The following DGCR2 variants were observed in gnomAD, a reference collection of about 807,000 sequenced individuals.
DGCR2 encodes DiGeorge syndrome critical region gene 2, also known as integral membrane protein DGCR2/IDD.
In DGCR2, 24 loss-of-function variants were observed where a neutral mutation model predicts 51.6. That is an observed-to-expected ratio of 0.47 (90% CI 0.34 to 0.65). DGCR2 has a LOEUF of 0.65. Among genes scored for constraint, DGCR2 ranks in the 30% least tolerant of loss-of-function variants. DGCR2 has a pLI of 0.01. For synonymous variants in DGCR2, 340 were observed against 315.4 expected (o/e 1.08, Z -0.82); for missense variants, 765 against 772.1 (o/e 0.99, Z 0.11).
rs1470743637 is a variant in DGCR2 at position 19,057,325 on chromosome 22, C to A, written c.626-163G>T. ...CAGGTGTTCACTCGGGACTCCCCAA[C>A]CTCCTGGGAGTCACCCCAGGTGCTG... On this transcript the variant is annotated intron_variant, in intron 5 of 9. Transcript: ENST00000263196. This position sits in a 1 kb window ranked among gnomAD's most constrained non-coding sequence, Gnocchi z 5.1. 6.6e-6 allele frequency among the ~76,000 whole-genome samples: 1 copy of A among 152,182 alleles called. No homozygotes were observed. The highest frequency in any genetic ancestry group is 1.9e-4 in the East Asian group (1 of 5,178).
intron 4 of DGCR2, 84 bp downstream of exon 4, chr22:19,064,764 A>C (rs1255047163): frequency 7.6e-7 from 1 of 1,314,710 alleles, no homozygotes; most frequent in African/African-American, 1.5e-5. Context: ...GTGCTCCAGG[A>C]GTTTACTGAG....
At chr22:19,105,942 CAGCTCTCCCCTGA>C (rs1433560528) in intron 1 of DGCR2, among the ~76,000 whole-genome samples, 4 of 152,152 alleles carry the variant, frequency 2.6e-5, no homozygotes, top group African/African-American at 9.7e-5. Flanking sequence ...CCAGTCCCTG[CAGCTCTCCCCTGA>C]AGCCCGTCTA....
intron 2 of DGCR2, among the ~76,000 whole-genome samples, chr22:19,069,417 C>G (rs2082788540): frequency 1.3e-5 from 2 of 152,094 alleles, no homozygotes; most frequent in Non-Finnish European, 1.5e-5. Flanking sequence ...AACAAACATT[C>G]AATGTGAAAT....
At position 19,056,992 on chromosome 22, in the gene DGCR2, T is replaced by C; in HGVS notation, c.796A>G (p.Lys266Glu). The change falls in exon 6 of 10, where the codon AAA becomes GAA. Residue 266 changes from lysine (K) to glutamate (E), a missense_variant. Around this residue, in one of 3 missense-constraint regions of DGCR2, gnomAD observed 190 missense variants for 265.2 expected, o/e 0.72. Coordinates refer to ENST00000263196, the MANE Select transcript of DGCR2 (RefSeq NM_005137.3). ...SCYEKSSFLCKRSQTCVDIKD... is the reference protein window; with the variant it reads ...SCYEKSSFLCERSQTCVDIKD... Reference sequence around the variant, plus strand: ...CCAGCTCAAGGGGGCTTACTTCTTTTACACAGAAATGAAGACTTCTCGTAG... The same window carrying C: ...CCAGCTCAAGGGGGCTTACTTCTTTCACACAGAAATGAAGACTTCTCGTAG... The C allele has an allele frequency of 6.3e-7, 1 of 1,583,288 alleles. No individual in the cohort carries two copies. Among genetic ancestry groups the C allele is most frequent in the Non-Finnish European group, 8.6e-7 (1 of 1,164,148 alleles).
At chr22:19,048,670 A>G in intron 6 of DGCR2, 27 bp from the exon 7 acceptor site, 1 of 1,606,410 alleles carries the variant, frequency 6.2e-7, no homozygotes, top group Non-Finnish European at 8.5e-7. Flanking sequence ...TTGTGTACAG[A>G]TGTATACAAT....
At chr22:19,102,655 C>CT (rs1489460418) in intron 1 of DGCR2, among the ~76,000 whole-genome samples, 1 of 151,488 alleles carries the variant, frequency 6.6e-6, no homozygotes, top group Non-Finnish European at 1.5e-5. Flanking sequence ...TGAGCCAAGA[C>CT]TGCACCACTG....
intron 1 of DGCR2, among the ~76,000 whole-genome samples, chr22:19,106,406 A>T (rs1267967124): frequency 1.3e-5 from 2 of 152,144 alleles, no homozygotes; most frequent in Admixed American, 1.3e-4. Flanking sequence ...TTGACCTGCC[A>T]CTGCGTCTCA....
In DGCR2 at chr22:19,068,119, C is replaced by T. The variant is rs149916218; in HGVS notation, c.309G>A (p.Ala103=). 5.9e-5 allele frequency: 94 copies of T among 1,598,606 alleles called. No homozygotes were observed. The highest frequency in any genetic ancestry group is 7.0e-5 in the Non-Finnish European group (82 of 1,173,886). Reference sequence around the variant, plus strand: ...ACTTACTGCTGAAGCGAACGGGCTGCGCCACGTTCACCGCGTGGAAGTGCG... The same window carrying T: ...ACTTACTGCTGAAGCGAACGGGCTGTGCCACGTTCACCGCGTGGAAGTGCG... The part of the protein sequence containing the change: ...DPSHFHAVNV[A]QPVRFSSFLG... Residue 103 remains alanine, a synonymous_variant, in exon 3 of 10, where the codon GCG becomes GCA. Transcript: ENST00000263196.
chr22:19,062,774 T>TTCTC lies in DGCR2; in HGVS notation c.625+427_625+428insGAGA, dbSNP rs1569052709. 4.5e-4 allele frequency among the ~76,000 whole-genome samples: 51 copies of TTCTC among 113,970 alleles called. 1 individual carries two copies. Among genetic ancestry groups the TTCTC allele is most frequent in the South Asian group, 7.7e-4 (2 of 2,612 alleles). 74.8% of individuals were successfully genotyped at this position (113,970 alleles called of 152,430 possible). A position where few individuals can be genotyped will look rare whatever the true frequency, so the allele number is the denominator to read the frequency against. ...ATCTTTGCGCACACACACACATGCA[T>TTCTC]GCTCACTCTCTCTCTCTCTCTCTCT... On this transcript the variant is annotated intron_variant, in intron 5 of 9. Coordinates refer to ENST00000263196, the MANE Select transcript of DGCR2 (RefSeq NM_005137.3).
At chr22:19,056,551 T>TAAC in intron 6 of DGCR2, 1 of 344,372 alleles carries the variant, frequency 2.9e-6, no homozygotes, top group African/African-American at 3.2e-5. Flanking sequence ...TAGCTGGCTT[T>TAAC]AATAAAAAAA....
chr22:19,116,779 G>A lies in DGCR2; in HGVS notation c.79+5349C>T, dbSNP rs141715823. Among the ~76,000 whole-genome samples the A allele has an allele frequency of 1.7e-3, 266 of 152,104 alleles. 2 individuals are homozygous for A. The highest frequency in any genetic ancestry group is 0.014 in the Middle Eastern group (4 of 294). On this transcript the variant is annotated intron_variant, in intron 1 of 9. Coordinates refer to ENST00000263196, the MANE Select transcript of DGCR2 (RefSeq NM_005137.3). ...ATGCCAACAACCAAGAGAGGCAGAG[G>A]AACTCCCTGCCTGTCAAAGGCTCAG... is the stretch of plus-strand genomic sequence containing the variant.
At chr22:19,093,811 A>G (rs367548898) in intron 1 of DGCR2, among the ~76,000 whole-genome samples, 8 of 152,270 alleles carry the variant, frequency 5.3e-5, no homozygotes, top group African/African-American at 1.9e-4. Context: ...AGCCTGTGCA[A>G]CATAACAAGA....
At chr22:19,079,060 T>C (rs1020897250) in intron 2 of DGCR2, among the ~76,000 whole-genome samples, 2 of 152,214 alleles carry the variant, frequency 1.3e-5, no homozygotes, top group African/African-American at 2.4e-5. Context: ...GCAGGTTGTA[T>C]GTTTCTAGGA....
intron 1 of DGCR2, among the ~76,000 whole-genome samples, chr22:19,109,557 G>A (rs1435647435): frequency 6.6e-6 from 1 of 152,196 alleles, no homozygotes; most frequent in African/African-American, 2.4e-5. Context: ...CTTATATGGA[G>A]TATCTAAAGC....
Position 19,039,014 on chromosome 22 carries a change from C to G in DGCR2, c.1504G>C (p.Ala502Pro), listed in dbSNP as rs780176433. The change falls in exon 10 of 10, where the codon GCC becomes CCC. Residue 502 changes from alanine to proline, a missense_variant. Ala to Pro is a conservative substitution (Grantham distance 27). This residue lies in a region of DGCR2 where 205 missense variants were observed against 181.4 expected (regional missense o/e 1.13). Transcript: ENST00000263196. The stretch of plus-strand genomic sequence containing the variant: ...GAGTCTTCCAGGTCTGCCAGAGAGG[C>G]CCCCGCAGTGGGCAGAGGCTGCTCC... ...RLEQPLPTAG[A>P]SLADLEDSAD... 1 of 1,612,442 alleles carries G rather than the reference C, an allele frequency of 6.2e-7. No homozygotes were observed. Among genetic ancestry groups the G allele is most frequent in the South Asian group, 1.1e-5 (1 of 91,016 alleles).
chr22:19,046,833 C>CT (rs1461809193), intron 7 of DGCR2: 2 of 348,106 alleles, frequency 5.7e-6, no homozygotes, highest in Non-Finnish European at 1.2e-5. Context: ...CTAAGAAGTC[C>CT]TTGGGGCTGG....
intron 5 of DGCR2, among the ~76,000 whole-genome samples, chr22:19,062,111 C>G (rs1412523501): frequency 6.6e-6 from 1 of 152,208 alleles, no homozygotes; most frequent in Non-Finnish European, 1.5e-5. Flanking sequence ...ATGAGGCAAA[C>G]TTTGACTCTG....
At chr22:19,089,576 A>G (rs1601266880) in intron 1 of DGCR2, 86 bp from the exon 2 acceptor site, 4 of 1,329,294 alleles carry the variant, frequency 3.0e-6, no homozygotes, top group Non-Finnish European at 3.9e-6. Context: ...ATCTCTTCCC[A>G]TTTGTTTGTT....
rs1187364379 is a variant in DGCR2 at position 19,057,923 on chromosome 22, T to C, written c.626-761A>G. 6.6e-6 allele frequency among the ~76,000 whole-genome samples: 1 copy of C among 152,150 alleles called. No individual in the cohort carries two copies. Among genetic ancestry groups the C allele is most frequent in the Non-Finnish European group, 1.5e-5 (1 of 68,012 alleles). On this transcript the variant is annotated intron_variant, in intron 5 of 9. Transcript: ENST00000263196. The surrounding 1 kb of genome is among the most constrained non-coding windows in gnomAD (Gnocchi z 5.1). ...CAGCCCTAGGCCCCACTCTCTCCCC[T>C]GCACGGCCCTTCCAGTCTGGGCTGC...
Sources: allele counts gnomAD v4.1 joint callset (sites outside exome capture counted in the v4.1 genomes callset), GRCh38; gene constraint gnomAD v4.1.1; regional missense constraint gnomAD v4.1.1; non-coding constraint Gnocchi (gnomAD v3.1); transcripts MANE v1.5; gene names NCBI Gene and HGNC (gene_info 2026-07-23, HGNC 2026-07-21).